PNPLA1: variants seen among roughly 807,000 people sequenced by gnomAD.
PNPLA1 encodes omega-hydroxyceramide transacylase.
Under a neutral mutation model 51.7 loss-of-function variants are expected in PNPLA1, and 36 were observed. That is an observed-to-expected ratio of 0.70 (90% CI 0.53 to 0.92). The LOEUF (loss-of-function observed/expected upper bound fraction) is 0.92, where lower values mean the gene tolerates loss of function less well. PNPLA1 is among the 40% of genes least tolerant of loss of function. PNPLA1 has a pLI of 0.00. For synonymous variants in PNPLA1, 293 were observed against 280.1 expected, an observed-to-expected ratio of 1.05 and a Z score of -0.46; for missense variants, 658 against 682.5, an observed-to-expected ratio of 0.96 and a Z score of 0.40.
At chr6:36,260,575 C>A (rs897331047) in intron 1 of PNPLA1, among the ~76,000 whole-genome samples, 2 of 152,166 alleles carry the variant, frequency 1.3e-5, no homozygotes, top group African/African-American at 4.8e-5. Context: ...TCCCCAGAGG[C>A]CACCGATGTT....
At chr6:36,271,311 G>C (rs1292804539) in intron 1 of PNPLA1, among the ~76,000 whole-genome samples, 1 of 152,124 alleles carries the variant, frequency 6.6e-6, no homozygotes, top group Non-Finnish European at 1.5e-5. Context: ...GAGAAACACT[G>C]TCCCGGACAG....
chr6:36,298,654 C>T (rs906669501), intron 5 of PNPLA1, among the ~76,000 whole-genome samples: 3 of 152,160 alleles, frequency 2.0e-5, no homozygotes, highest in South Asian at 2.1e-4. Flanking sequence ...TGGAATCATG[C>T]GGTATTTGTC....
At chr6:36,262,425 C>T (rs1266550551) in intron 1 of PNPLA1, among the ~76,000 whole-genome samples, 2 of 152,200 alleles carry the variant, frequency 1.3e-5, no homozygotes, top group African/African-American at 4.8e-5. Flanking sequence ...ACAAAAGGCC[C>T]TCTTCACCTC....
intron 8 of PNPLA1, among the ~76,000 whole-genome samples, chr6:36,310,343 G>A (rs144177669): frequency 6.6e-5 from 10 of 152,114 alleles, no homozygotes; most frequent in Non-Finnish European, 1.3e-4. Flanking sequence ...CTCCAGTAAG[G>A]GTTCCGTGGT....
chr6:36,270,664 G>T lies in PNPLA1; in HGVS notation c.205G>T (p.Asp69Tyr), dbSNP rs1374161221. ...AALAICGIEM[D>Y]EYLRVLNVGV... ...CCTGGCCATCTGCGGGATTGAAATGGGTGAGGCCTGTGTTCTGGGTCCCCT... is the reference window on the plus strand; with the variant it reads ...CCTGGCCATCTGCGGGATTGAAATGTGTGAGGCCTGTGTTCTGGGTCCCCT... Residue 69 changes from aspartate (D) to tyrosine (Y), a missense_variant and splice_region_variant, in exon 1 of 9, where the codon GAT (aspartate) becomes TAT (tyrosine). By Grantham distance (160) the Asp-to-Tyr change is radical (BLOSUM62 -3). Transcript: ENST00000636260. The T allele has an allele frequency of 1.3e-6, 2 of 1,550,490 alleles. No individual in the cohort carries two copies. Among genetic ancestry groups the T allele is most frequent in the Non-Finnish European group, 1.7e-6 (2 of 1,146,976 alleles).
At chr6:36,244,753 A>T (rs189801225) in intron 1 of PNPLA1, among the ~76,000 whole-genome samples, 25 of 152,348 alleles carry the variant, frequency 1.6e-4, no homozygotes, top group Admixed American at 1.6e-3. Context: ...CTGCTCCAGC[A>T]TGTTCCTCTG....
chr6:36,288,082 G>A (rs1770558201), intron 1 of PNPLA1, among the ~76,000 whole-genome samples: 1 of 152,246 alleles, frequency 6.6e-6, no homozygotes, highest in African/African-American at 2.4e-5. Flanking sequence ...ATATACTAAA[G>A]CCACCATTAA....
chr6:36,283,654 A>G (rs916283318), intron 1 of PNPLA1, among the ~76,000 whole-genome samples: 1 of 152,198 alleles, frequency 6.6e-6, no homozygotes, highest in African/African-American at 2.4e-5. Flanking sequence ...AGAAAAAACA[A>G]AAAAAGAAAG....
At chr6:36,259,312 C>T (rs2127317114) in intron 1 of PNPLA1, among the ~76,000 whole-genome samples, 1 of 152,266 alleles carries the variant, frequency 6.6e-6, no homozygotes, top group South Asian at 2.1e-4. Flanking sequence ...TGGTGACTTT[C>T]ATGGGGTTAT....
chr6:36,301,160 A>T (rs1167623478), intron 5 of PNPLA1, among the ~76,000 whole-genome samples: 1 of 112,304 alleles, frequency 8.9e-6, no homozygotes, highest in Admixed American at 1.4e-4. Context: ...TCACTCTGTC[A>T]CCCAAGCTGG....
intron 1 of PNPLA1, among the ~76,000 whole-genome samples, chr6:36,248,532 T>TG (rs1390077263): frequency 1.3e-5 from 2 of 152,128 alleles, no homozygotes; most frequent in Admixed American, 1.3e-4. Flanking sequence ...TCATTTTTTT[T>TG]TTTTTTTGAG....
chr6:36,293,198 G>A, intron 3 of PNPLA1, 72 bp downstream of exon 3: 1 of 1,434,284 alleles, frequency 7.0e-7, no homozygotes, highest in Non-Finnish European at 9.8e-7. Context: ...TCACACCTGG[G>A]GGAGCAGGGG....
At chr6:36,253,980 C>T (rs1769476686) in intron 1 of PNPLA1, among the ~76,000 whole-genome samples, 1 of 152,052 alleles carries the variant, frequency 6.6e-6, no homozygotes, top group South Asian at 2.1e-4. Flanking sequence ...GTATGCTGCT[C>T]CCATTCCGAG....
chr6:36,277,739 C>T (rs1770151209), intron 1 of PNPLA1, among the ~76,000 whole-genome samples: 1 of 152,218 alleles, frequency 6.6e-6, no homozygotes, highest in African/African-American at 2.4e-5. Context: ...TGACCTGTCC[C>T]TATAGTCCCA....
upstream of PNPLA1, among the ~76,000 whole-genome samples, chr6:36,269,920 C>T (rs1302761199): frequency 6.6e-6 from 1 of 152,224 alleles, no homozygotes. Context: ...GGGTAGGCAC[C>T]GTCCTCCTGG....
At chr6:36,298,172 C>T (rs1210395865) in intron 5 of PNPLA1, among the ~76,000 whole-genome samples, 2 of 152,192 alleles carry the variant, frequency 1.3e-5, no homozygotes, top group Admixed American at 1.3e-4. Flanking sequence ...GAATGTACCA[C>T]AGCTCATCTA....
At chr6:36,267,862 T>C (rs1022407127), upstream of PNPLA1, among the ~76,000 whole-genome samples, 7 of 151,924 alleles carry the variant, frequency 4.6e-5, no homozygotes, top group Admixed American at 3.9e-4. Context: ...CCACCCAGCT[T>C]CCCCAGGTCT....
chr6:36,246,759 A>G lies in PNPLA1; in HGVS notation c.-81+3498A>G, dbSNP rs553832747. On this transcript the variant is annotated intron_variant, in intron 1 of 7. Coordinates refer to the PNPLA1 transcript ENST00000312917. ...AGCTCTGTTGAAACAAGATCCTCCC[A>G]GGTGTTTCTCAGTCTTCTAATGCTC... Among the ~76,000 whole-genome samples, 7 of 152,316 alleles carry G rather than the reference A, an allele frequency of 4.6e-5. No homozygotes were observed. In the South Asian group the frequency reaches 1.5e-3, roughly 32 times the overall value.
At position 36,306,321 on chromosome 6, in the gene PNPLA1, A is replaced by G; in HGVS notation, c.1414A>G (p.Lys472Glu). Residue 472 changes from lysine (K) to glutamate (E), a missense_variant, in exon 7 of 9, where the codon AAA becomes GAA. By Grantham distance (56) the Lys-to-Glu change is moderately conservative. Coordinates refer to ENST00000636260, the MANE Select transcript of PNPLA1 (RefSeq NM_001374623.1). ...AVALLVSSKP[K>E]SAVPLVHVKE... ...AGCTCTTCTTGTCTCTTCAAAACCA[A>G]AAAGCGCCGTGCCTCTGGTTCATGT... is the stretch of plus-strand genomic sequence containing the variant. 2 of 1,613,192 alleles carry G rather than the reference A, an allele frequency of 1.2e-6. No homozygotes were observed. Among genetic ancestry groups the G allele is most frequent in the South Asian group, 2.2e-5 (2 of 90,928 alleles).
Sources: gnomAD v4.1 joint callset for allele counts (sites outside exome capture counted in the v4.1 genomes callset) on GRCh38, gnomAD v4.1.1 for gene constraint, MANE v1.5 for transcripts, NCBI Gene and HGNC (gene_info 2026-07-23, HGNC 2026-07-21) for gene names.